Variants in N4BP2L2 observed in about 807,000 individuals in gnomAD.
The protein encoded by N4BP2L2 is NEDD4 binding protein 2 like 2.
N4BP2L2 carries 50 observed loss-of-function variants against 56.2 expected under a neutral mutation model. That is an observed-to-expected ratio of 0.89 (90% CI 0.71 to 1.13). The LOEUF (loss-of-function observed/expected upper bound fraction) is 1.13, where lower values mean the gene tolerates loss of function less well. N4BP2L2 is among the 50% of genes most tolerant of loss of function. The probability of loss-of-function intolerance (pLI) is 0.00; values close to 1 mark genes in which losing one functional copy is unlikely to be tolerated. For missense variants in N4BP2L2, 689 were observed against 693.8 expected, an observed-to-expected ratio of 0.99 and a Z score of 0.08; for synonymous variants, 203 against 223.6, an observed-to-expected ratio of 0.91 and a Z score of 0.82.
intron 9 of N4BP2L2, among the ~76,000 whole-genome samples, chr13:32,433,802 G>A (rs1481882041): frequency 6.6e-6 from 1 of 150,584 alleles, no homozygotes; most frequent in Non-Finnish European, 1.5e-5. Context: ...ATGGTGGCGG[G>A]CGCCTGTAAT....
rs1395689706 is a variant in N4BP2L2 at position 32,448,126 on chromosome 13, A to G, written c.366-4000T>C. Among the ~76,000 whole-genome samples, 21 of 152,190 alleles carry G rather than the reference A, an allele frequency of 1.4e-4. 1 individual carries two copies. The highest frequency in any genetic ancestry group is 1.3e-3 in the Admixed American group (20 of 15,274). On this transcript the variant is annotated intron_variant, in intron 6 of 9. Coordinates refer to the N4BP2L2 transcript ENST00000357505. The stretch of plus-strand genomic sequence containing the variant: ...TATAGCTACCCTCCTCATTTCAGAA[A>G]CAGTGGACATGGCCTTCTGGAAAGG...
intron 2 of N4BP2L2, among the ~76,000 whole-genome samples, chr13:32,531,146 C>A (rs1333300786): frequency 6.6e-6 from 1 of 152,196 alleles, no homozygotes; most frequent in South Asian, 2.1e-4. Flanking sequence ...AGACCAGAAA[C>A]AGTCCTAGCC....
Position 32,444,536 on chromosome 13 carries a change from G to A in N4BP2L2, c.366-410C>T, listed in dbSNP as rs1346384907. ...CCTGCCTCAGCCTCCCAAAGTGCTG[G>A]GATTACAGGCATGAGCCACTGCGCT... On this transcript the variant is annotated intron_variant, in intron 6 of 9. Transcript: ENST00000357505. Among the ~76,000 whole-genome samples the A allele has an allele frequency of 2.6e-5, 4 of 152,086 alleles. No individual in the cohort carries two copies. The East Asian group carries it at 7.7e-4, about 29-fold the overall frequency.
chr13:32,535,774 C>T, exon 2 of N4BP2L2: 1 of 1,612,212 alleles, frequency 6.2e-7, no homozygotes, highest in Non-Finnish European at 8.5e-7. Flanking sequence ...CTTACCGAGA[C>T]AATGTTGTTT....
At chr13:32,449,436 T>A (rs996480536) in intron 6 of N4BP2L2, among the ~76,000 whole-genome samples, 2 of 152,216 alleles carry the variant, frequency 1.3e-5, no homozygotes, top group African/African-American at 4.8e-5. Flanking sequence ...AATTCTTGAC[T>A]ACACATTACA....
chr13:32,538,858 G>C, upstream of N4BP2L2: 1 of 985,486 alleles, frequency 1.0e-6, no homozygotes, highest in Non-Finnish European at 1.2e-6. Context: ...GGGAATTGAA[G>C]TCCGACGTTC....
intron 6 of N4BP2L2, among the ~76,000 whole-genome samples, chr13:32,482,390 CT>C (rs1168166185): frequency 6.6e-6 from 1 of 152,184 alleles, no homozygotes; most frequent in Non-Finnish European, 1.5e-5. Flanking sequence ...GAGACAGAGT[CT>C]CACTTTGTCG....
intron 5 of N4BP2L2, among the ~76,000 whole-genome samples, chr13:32,518,723 A>T (rs2049908033): frequency 6.6e-6 from 1 of 152,212 alleles, no homozygotes; most frequent in Non-Finnish European, 1.5e-5. Context: ...GGTAACTGTG[A>T]CTGGGAAGAG....
exon 6 of N4BP2L2, chr13:32,513,208 C>G (rs1461306249): frequency 6.6e-6 from 1 of 152,168 alleles, no homozygotes; most frequent in Non-Finnish European, 1.5e-5. Context: ...ATTAGCTTTT[C>G]AAGGTTTGCT....
At chr13:32,493,089 A>AT (rs1392502511) in intron 6 of N4BP2L2, among the ~76,000 whole-genome samples, 2 of 151,146 alleles carry the variant, frequency 1.3e-5, no homozygotes, top group Admixed American at 1.3e-4. Context: ...CACCCAGCTA[A>AT]TTTTTTTGTA....
intron 2 of N4BP2L2, among the ~76,000 whole-genome samples, chr13:32,529,980 C>T (rs1164495199): frequency 6.6e-6 from 1 of 152,148 alleles, no homozygotes; most frequent in African/African-American, 2.4e-5. Context: ...CCCACCTCAG[C>T]CTCCTAAAGT....
upstream of N4BP2L2, chr13:32,538,861 C>T (rs2057286502): frequency 8.1e-6 from 8 of 985,450 alleles, no homozygotes; most frequent in South Asian, 4.7e-5. Context: ...AATTGAAGTC[C>T]GACGTTCACA....
At chr13:32,510,955 C>T (rs1323293363) in exon 6 of N4BP2L2, 1 of 150,740 alleles carries the variant, frequency 6.6e-6, no homozygotes, top group African/African-American at 2.4e-5. Flanking sequence ...TTCTTTTTAA[C>T]CTTGGAAAAA....
chr13:32,437,410 C>G (rs530435842), intron 8 of N4BP2L2, among the ~76,000 whole-genome samples: 1 of 152,160 alleles, frequency 6.6e-6, no homozygotes, highest in Non-Finnish European at 1.5e-5. Flanking sequence ...GAATGATTCA[C>G]TAAATTTTGA....
chr13:32,503,594 G>GT (rs770220794), intron 6 of N4BP2L2, among the ~76,000 whole-genome samples: 1 of 152,138 alleles, frequency 6.6e-6, no homozygotes, highest in East Asian at 1.9e-4. Flanking sequence ...GCAAGTCTAG[G>GT]TAACAATTCC....
At chr13:32,497,289 A>C (rs1382491121) in intron 6 of N4BP2L2, among the ~76,000 whole-genome samples, 1 of 152,204 alleles carries the variant, frequency 6.6e-6, no homozygotes, top group Non-Finnish European at 1.5e-5. Context: ...CTCTTAAAGG[A>C]CCAGGGTACT....
chr13:32,481,687 T>C (rs2084780261), intron 6 of N4BP2L2, among the ~76,000 whole-genome samples: 2 of 152,256 alleles, frequency 1.3e-5, no homozygotes, highest in Admixed American at 6.5e-5. Context: ...TTCTGGCTTA[T>C]AAGATTATGG....
In N4BP2L2 at chr13:32,463,918, C is replaced by CAAAAAAAA. The variant is rs58685358; in HGVS notation, c.366-19800_366-19793dup. On this transcript the variant is annotated intron_variant, in intron 6 of 9. Coordinates refer to the N4BP2L2 transcript ENST00000357505. ...TAGAATGGCCCTACCTGCCCATGAC[C>CAAAAAAAA]AAAAAAAAAAAAAAAAAAAAGGTAA... 2.5e-3 allele frequency among the ~76,000 whole-genome samples: 162 copies of CAAAAAAAA among 64,112 alleles called. 2 individuals carry two copies. The highest frequency in any genetic ancestry group is 6.5e-3 in the African/African-American group (106 of 16,372). The allele number at this position is 64,112 out of a possible 152,430, so 42.1% of individuals were successfully genotyped here. A position where few individuals can be genotyped will look rare whatever the true frequency, so the allele number is the denominator to read the frequency against.
At chr13:32,494,797 T>A (rs1181469418) in intron 6 of N4BP2L2, among the ~76,000 whole-genome samples, 1 of 152,060 alleles carries the variant, frequency 6.6e-6, no homozygotes, top group Non-Finnish European at 1.5e-5. Context: ...TTCTTCTGCA[T>A]TTTTCCATAA....
Sources: gnomAD v4.1 joint callset for allele counts (sites outside exome capture counted in the v4.1 genomes callset) on GRCh38, gnomAD v4.1.1 for gene constraint, MANE v1.5 for transcripts, NCBI Gene and HGNC (gene_info 2026-07-23, HGNC 2026-07-21) for gene names.